Variants in NCOA2 observed in about 807,000 individuals in gnomAD.
NCOA2 encodes the protein nuclear receptor coactivator 2, also known as class E basic helix-loop-helix protein 75.
In NCOA2, 21 loss-of-function variants were observed where a neutral mutation model predicts 145.1. The observed-to-expected ratio is 0.14, with a 90% CI of 0.10 to 0.21. The LOEUF is 0.21. Among genes scored for constraint, NCOA2 ranks in the 10% least tolerant of loss-of-function variants. The pLI is 1.00. For missense variants in NCOA2, 1,472 were observed against 1,837.6 expected, an observed-to-expected ratio of 0.80 and a Z score of 3.64; for synonymous variants, 619 against 637.5, an observed-to-expected ratio of 0.97 and a Z score of 0.44.
intron 1 of NCOA2, among the ~76,000 whole-genome samples, chr8:70,396,376 T>C (rs1178699933): frequency 2.0e-5 from 3 of 152,216 alleles, no homozygotes; most frequent in Non-Finnish European, 4.4e-5. Flanking sequence ...TCTTGCAAAA[T>C]ACACTCCCTA....
At chr8:70,419,638 T>C in the NCOA2 span, among the ~76,000 whole-genome samples, 1 of 152,180 alleles carries the variant, frequency 6.6e-6, no homozygotes, top group African/African-American at 2.4e-5. Context: ...TCTCATATAC[T>C]TTTATTGCTT....
chr8:70,447,904 C>CA, the NCOA2 span, among the ~76,000 whole-genome samples: 2 of 152,130 alleles, frequency 1.3e-5, no homozygotes, highest in African/African-American at 2.4e-5. Flanking sequence ...AGGCTGGTCT[C>CA]AAACTCCTGG....
chr8:70,162,678 A>G, intron 9 of NCOA2, 33 bp downstream of exon 9: 13 of 1,587,998 alleles, frequency 8.2e-6, no homozygotes, highest in Non-Finnish European at 1.1e-5. Flanking sequence ...ACAGGAAGCA[A>G]TAATTTAAGA....
At chr8:70,250,082 G>A (rs1005283231) in intron 2 of NCOA2, among the ~76,000 whole-genome samples, 2 of 151,172 alleles carry the variant, frequency 1.3e-5, no homozygotes, top group Admixed American at 6.6e-5. Context: ...TAGTAATGTC[G>A]TTTTCATCAT....
At chr8:70,219,723 C>T (rs1445854769) in intron 2 of NCOA2, among the ~76,000 whole-genome samples, 1 of 152,194 alleles carries the variant, frequency 6.6e-6, no homozygotes, top group Non-Finnish European at 1.5e-5. Context: ...TTAGAGCAGA[C>T]ACATAAATTT....
At chr8:70,262,027 G>C (rs548565429) in intron 2 of NCOA2, among the ~76,000 whole-genome samples, 10 of 151,846 alleles carry the variant, frequency 6.6e-5, no homozygotes, top group Non-Finnish European at 1.2e-4. Flanking sequence ...TAAAACTTCA[G>C]TATATATAGA....
At chr8:70,358,745 T>C (rs1224970478) in intron 1 of NCOA2, among the ~76,000 whole-genome samples, 1 of 152,152 alleles carries the variant, frequency 6.6e-6, no homozygotes, top group East Asian at 1.9e-4. Flanking sequence ...TCAAACTTTA[T>C]CAAAATTTAA....
At chr8:70,409,105 G>A in the NCOA2 span, among the ~76,000 whole-genome samples, 7 of 152,066 alleles carry the variant, frequency 4.6e-5, no homozygotes, top group Non-Finnish European at 1.0e-4. Flanking sequence ...GTATTAAGAT[G>A]TCATCAGTAT....
At chr8:70,442,716 T>C in the NCOA2 span, among the ~76,000 whole-genome samples, 2 of 152,218 alleles carry the variant, frequency 1.3e-5, no homozygotes, top group African/African-American at 2.4e-5. Flanking sequence ...CAATAGAATG[T>C]TGCAGTCCCA....
chr8:70,295,668 G>A (rs1294564122), intron 2 of NCOA2, among the ~76,000 whole-genome samples: 2 of 152,076 alleles, frequency 1.3e-5, no homozygotes, highest in Non-Finnish European at 2.9e-5. Context: ...GAGTCTGGGC[G>A]CAGTGGCTCA....
At chr8:70,440,367 G>GT in the NCOA2 span, among the ~76,000 whole-genome samples, 1 of 152,182 alleles carries the variant, frequency 6.6e-6, no homozygotes, top group Non-Finnish European at 1.5e-5. Flanking sequence ...GAGGTCAGGA[G>GT]TTTGAGACTA....
upstream of NCOA2, among the ~76,000 whole-genome samples, chr8:70,404,432 C>T (rs553319764): frequency 4.6e-5 from 7 of 152,316 alleles, no homozygotes; most frequent in African/African-American, 1.7e-4. Flanking sequence ...CGGCCGGACC[C>T]TTCGGCCAGC....
rs71523177 is a variant in NCOA2 at position 70,271,110 on chromosome 8, G to A, written c.-20+25634C>T. ...AAATACATCTTGGCTCATTAAAAACGCAACACAGGCATATGCTCTTTTCAA... is the reference window on the plus strand; with the variant it reads ...AAATACATCTTGGCTCATTAAAAACACAACACAGGCATATGCTCTTTTCAA... On this transcript the variant is annotated intron_variant, in intron 2 of 22. Transcript: ENST00000452400. Among the ~76,000 whole-genome samples, 256 of 152,232 alleles carry A rather than the reference G, an allele frequency of 1.7e-3. 1 individual carries two copies. The highest frequency in any genetic ancestry group is 3.3e-3 in the Non-Finnish European group (221 of 67,996).
chr8:70,403,887 C>G (rs1376637903), upstream of NCOA2: 1 of 382,428 alleles, frequency 2.6e-6, no homozygotes, highest in Non-Finnish European at 4.6e-6. Flanking sequence ...TCCGCGTCTC[C>G]GCACTTGCGG....
At chr8:70,404,258 C>T (rs1003790617), upstream of NCOA2, among the ~76,000 whole-genome samples, 1 of 152,168 alleles carries the variant, frequency 6.6e-6, no homozygotes, top group Non-Finnish European at 1.5e-5. Context: ...CATGGGAGGG[C>T]AAAGGGCAAT....
intron 2 of NCOA2, among the ~76,000 whole-genome samples, chr8:70,282,634 G>C (rs1019689425): frequency 6.6e-6 from 1 of 151,078 alleles, no homozygotes; most frequent in African/African-American, 2.4e-5. Context: ...GTTGCAGTGA[G>C]CTGAGATCGT....
intron 1 of NCOA2, among the ~76,000 whole-genome samples, chr8:70,394,494 C>T (rs963835377): frequency 6.6e-6 from 1 of 152,194 alleles, no homozygotes; most frequent in Non-Finnish European, 1.5e-5. Context: ...TTTTACATCA[C>T]ACTTGTATGA....
chr8:70,305,216 G>T (rs2135911949), intron 1 of NCOA2, among the ~76,000 whole-genome samples: 1 of 151,692 alleles, frequency 6.6e-6, no homozygotes, highest in Non-Finnish European at 1.5e-5. Context: ...AACTACAAAG[G>T]GCAGCGGCAG....
chr8:70,191,595 T>C (rs151043121), intron 4 of NCOA2, among the ~76,000 whole-genome samples: 7 of 152,230 alleles, frequency 4.6e-5, no homozygotes, highest in Admixed American at 4.6e-4. Flanking sequence ...CAGTGGCCTT[T>C]GTCTCTAAGA....
Sources: allele counts gnomAD v4.1 joint callset (sites outside exome capture counted in the v4.1 genomes callset), GRCh38; gene constraint gnomAD v4.1.1; transcripts MANE v1.5; gene names NCBI Gene and HGNC (gene_info 2026-07-23, HGNC 2026-07-21).